Variants in ACSM6 observed in about 807,000 individuals in gnomAD.
The protein encoded by ACSM6 is acyl-CoA synthetase medium chain family member 6, also known as acyl-coenzyme A synthetase ACSM6, mitochondrial.
ACSM6 carries 35 observed loss-of-function variants against 51.1 expected under a neutral mutation model. The ratio of observed to expected loss-of-function variants is 0.69; its 90% confidence interval spans 0.52 to 0.91. The LOEUF (loss-of-function observed/expected upper bound fraction) is 0.91. Ranked by LOEUF, ACSM6 falls within the 40% of genes least tolerant of loss-of-function variation. ACSM6 has a pLI of 0.00. For missense variants in ACSM6, 509 were observed against 584.1 expected (o/e 0.87, Z 1.32); for synonymous variants, 172 against 207.3 (o/e 0.83, Z 1.46).
intron 5 of ACSM6, 82 bp downstream of exon 5, chr10:95,210,875 A>G: frequency 1.8e-5 from 26 of 1,469,056 alleles, no homozygotes; most frequent in Non-Finnish European, 2.3e-5. Flanking sequence ...AAAGCTAAGA[A>G]AGGAGTTTCT....
At chr10:95,219,808 A>C (rs1564591292) in intron 8 of ACSM6, 83 bp from the exon 9 acceptor site, 5 of 1,044,020 alleles carry the variant, frequency 4.8e-6, no homozygotes, top group Non-Finnish European at 7.3e-6. Context: ...TAGGAGGCAC[A>C]TAATGTCTGG....
chr10:95,216,807 A>T (rs2034949448), intron 8 of ACSM6, among the ~76,000 whole-genome samples: 2 of 152,180 alleles, frequency 1.3e-5, no homozygotes, highest in Non-Finnish European at 2.9e-5. Flanking sequence ...GAGGATATAG[A>T]TGTGGATGTA....
intron 6 of ACSM6, 119 bp from the exon 7 acceptor site, chr10:95,212,739 G>C (rs900852071): frequency 1.1e-5 from 8 of 730,242 alleles, no homozygotes; most frequent in African/African-American, 5.2e-5. Context: ...GCATCCCCAA[G>C]CTGAGTTTCA....
At chr10:95,212,083 G>C in intron 6 of ACSM6, 49 bp downstream of exon 6, 1 of 1,608,266 alleles carries the variant, frequency 6.2e-7, no homozygotes, top group Non-Finnish European at 8.5e-7. Flanking sequence ...GCCAGAGAGA[G>C]GCATTAGCAA....
At chr10:95,206,995 C>A (rs2034844131) in intron 3 of ACSM6, among the ~76,000 whole-genome samples, 1 of 152,170 alleles carries the variant, frequency 6.6e-6, no homozygotes, top group African/African-American at 2.4e-5. Context: ...ATAACAGCAA[C>A]AGAGCCACAG....
chr10:95,223,096 A>T (rs965566277), intron 9 of ACSM6, among the ~76,000 whole-genome samples: 1 of 151,710 alleles, frequency 6.6e-6, no homozygotes, highest in Non-Finnish European at 1.5e-5. Context: ...GATATTTTTT[A>T]ATTTGTCAAA....
At chr10:95,207,762 TAAC>T (rs1324018007) in intron 4 of ACSM6, among the ~76,000 whole-genome samples, 1 of 144,578 alleles carries the variant, frequency 6.9e-6, no homozygotes, top group African/African-American at 2.6e-5. Context: ...ACAAAAAACA[TAAC>T]AAAAAACTTA....
At chr10:95,198,597 G>A (rs1429855345) in intron 2 of ACSM6, among the ~76,000 whole-genome samples, 1 of 150,940 alleles carries the variant, frequency 6.6e-6, no homozygotes, top group African/African-American at 2.4e-5. Flanking sequence ...GTTGCAGTGA[G>A]CTGAGATCAT....
intron 3 of ACSM6, among the ~76,000 whole-genome samples, chr10:95,203,945 A>G (rs746095057): frequency 3.3e-5 from 5 of 151,560 alleles, no homozygotes; most frequent in African/African-American, 1.2e-4. Context: ...TGGGGAGCAT[A>G]CAGAAGAGAG....
chr10:95,202,678 C>A (rs2034806417), intron 3 of ACSM6, among the ~76,000 whole-genome samples: 1 of 151,970 alleles, frequency 6.6e-6, no homozygotes, highest in South Asian at 2.1e-4. Flanking sequence ...AATTCCAACA[C>A]TTCGGGAGGC....
rs185718490 is a variant in ACSM6, at chr10:95,201,315, T to C, written c.193-670T>C. On this transcript the variant is annotated intron_variant, in intron 2 of 10. Transcript: ENST00000341686. Reference sequence around the variant, plus strand: ...AAATAGGTAATTTTGCAAACTTCACTCCCCTCCAGCCTCCCCAATGTCTAT... The same window carrying C: ...AAATAGGTAATTTTGCAAACTTCACCCCCCTCCAGCCTCCCCAATGTCTAT... 94 of 370,430 alleles carry C rather than the reference T, an allele frequency of 2.5e-4. 2 individuals carry two copies. In the East Asian group the frequency reaches 6.2e-3, roughly 24 times the overall value. The allele number at this position is 370,430 out of a possible 1,614,324, so 22.9% of individuals were successfully genotyped here. A position where few individuals can be genotyped will look rare whatever the true frequency, so the allele number is the denominator to read the frequency against.
intron 2 of ACSM6, among the ~76,000 whole-genome samples, chr10:95,198,454 C>A (rs1219208645): frequency 1.3e-5 from 2 of 152,228 alleles, no homozygotes; most frequent in South Asian, 4.1e-4. Context: ...AGTTCAAGAC[C>A]AGCCTGGGCA....
At chr10:95,225,490 C>T in intron 10 of ACSM6, 99 bp downstream of exon 10, 1 of 926,268 alleles carries the variant, frequency 1.1e-6, no homozygotes, top group East Asian at 3.0e-5. Flanking sequence ...TACTTTTGTC[C>T]CAATTTTTAA....
intron 9 of ACSM6, among the ~76,000 whole-genome samples, chr10:95,221,451 T>C (rs533253767): frequency 6.6e-6 from 1 of 152,248 alleles, no homozygotes; most frequent in Non-Finnish European, 1.5e-5. Flanking sequence ...CCGGGTGTGA[T>C]GGCAGATGCC....
At chr10:95,199,044 T>G (rs1393821299) in intron 2 of ACSM6, among the ~76,000 whole-genome samples, 4 of 152,020 alleles carry the variant, frequency 2.6e-5, no homozygotes, top group African/African-American at 9.7e-5. Flanking sequence ...CATTGCCAAG[T>G]CAATCCTAAG....
At chr10:95,225,161 T>C in intron 9 of ACSM6, 129 bp from the exon 10 acceptor site, 1 of 689,772 alleles carries the variant, frequency 1.4e-6, no homozygotes, top group Non-Finnish European at 2.5e-6. Flanking sequence ...AGTATCTAAG[T>C]ACACCAACCA....
In ACSM6 at chr10:95,213,043, G is replaced by A. The variant is rs1045713088; in HGVS notation, c.995+103G>A. 3 of 913,150 alleles carry A rather than the reference G, an allele frequency of 3.3e-6. No homozygotes were observed. The African/African-American group carries it at 4.9e-5, about 15-fold the overall frequency. The allele number at this position is 913,150 out of a possible 1,614,324, so 56.6% of individuals were successfully genotyped here. A position where few individuals can be genotyped will look rare whatever the true frequency, so the allele number is the denominator to read the frequency against. ...GAAGTAGATCCAATCTTACCCTCCG[G>A]TAACACACTTGTCTTGTTGCCATTC... On this transcript the variant is annotated intron_variant, in intron 7 of 10. Coordinates refer to ENST00000341686, the Ensembl canonical transcript of ACSM6.
At position 95,213,302 on chromosome 10, in the gene ACSM6, C is replaced by T. The variant is rs140666480; in HGVS notation, c.995+362C>T. 1.1e-3 allele frequency among the ~76,000 whole-genome samples: 161 copies of T among 152,032 alleles called. 3 individuals carry two copies. In the East Asian group the frequency reaches 0.03, roughly 28 times the overall value. ...GAAGAAAAAAAAATGTGTAATTCAC[C>T]GCCAGCACTCATTTCTCAGAGCAAA... On this transcript the variant is annotated intron_variant, in intron 7 of 10. Coordinates refer to ENST00000341686, the Ensembl canonical transcript of ACSM6.
intron 8 of ACSM6, 125 bp from the exon 9 acceptor site, chr10:95,219,758 TAATCAAGA>T: frequency 1.6e-6 from 1 of 624,386 alleles, no homozygotes; most frequent in South Asian, 2.4e-5. Context: ...GATTTTTTTT[TAATCAAGA>T]TTACTTGTTA....
Sources: gnomAD v4.1 joint callset for allele counts (sites outside exome capture counted in the v4.1 genomes callset) on GRCh38, gnomAD v4.1.1 for gene constraint, MANE v1.5 for transcripts, NCBI Gene and HGNC (gene_info 2026-07-23, HGNC 2026-07-21) for gene names.